The following NXPE2 variants were observed in gnomAD, a reference collection of about 807,000 sequenced individuals.
The protein encoded by NXPE2 is neurexophilin and PC-esterase domain family member 2.
In NXPE2, 34 loss-of-function variants were observed where a neutral mutation model predicts 34.4. The observed-to-expected ratio is 0.99, with a 90% CI of 0.75 to 1.31. NXPE2 has a LOEUF of 1.31. NXPE2 is among the 40% of genes most tolerant of loss of function. The pLI is 0.00. For missense variants in NXPE2, 649 were observed against 672.5 expected, an observed-to-expected ratio of 0.97 and a Z score of 0.39; for synonymous variants, 235 against 231.3, an observed-to-expected ratio of 1.02 and a Z score of -0.15.
At chr11:114,559,599 TCTCA>T in the NXPE2 span, among the ~76,000 whole-genome samples, 2 of 151,576 alleles carry the variant, frequency 1.3e-5, no homozygotes, top group African/African-American at 2.4e-5. Flanking sequence ...TAAGAGAGGC[TCTCA>T]CTATCAGTTT....
intron 2 of NXPE2, among the ~76,000 whole-genome samples, chr11:114,684,609 G>A (rs556547998): frequency 1.3e-5 from 2 of 152,066 alleles, no homozygotes; most frequent in Non-Finnish European, 2.9e-5. Context: ...AGTGGAGAAA[G>A]TGCACATGGG....
At chr11:114,601,597 T>A in the NXPE2 span, among the ~76,000 whole-genome samples, 234 of 2,112 alleles carry the variant, frequency 0.11, 2 homozygotes, top group South Asian at 0.14. Context: ...TATATATTAT[T>A]TATAATTATA....
the NXPE2 span, among the ~76,000 whole-genome samples, chr11:114,717,033 G>T: frequency 6.6e-6 from 1 of 152,106 alleles, no homozygotes; most frequent in African/African-American, 2.4e-5. Context: ...ATAAAACAAA[G>T]ATTAATATGT....
chr11:114,798,763 GTC>G, the NXPE2 span, among the ~76,000 whole-genome samples: 1 of 152,224 alleles, frequency 6.6e-6, no homozygotes, highest in African/African-American at 2.4e-5. Flanking sequence ...GTTTGCCCCT[GTC>G]TCTAAGTTTC....
At chr11:114,773,275 T>TCCCTC in the NXPE2 span, among the ~76,000 whole-genome samples, 1 of 38,412 alleles carries the variant, frequency 2.6e-5, no homozygotes, top group Non-Finnish European at 5.2e-5. Flanking sequence ...CACAACCCAC[T>TCCCTC]CCCACCCCCC....
chr11:114,531,621 A>T, the NXPE2 span, among the ~76,000 whole-genome samples: 4 of 152,096 alleles, frequency 2.6e-5, no homozygotes, highest in East Asian at 3.9e-4. Context: ...GCCTATTTTC[A>T]ACTCTACTTC....
chr11:114,602,424 A>G, the NXPE2 span, among the ~76,000 whole-genome samples: 1 of 133,360 alleles, frequency 7.5e-6, no homozygotes, highest in Non-Finnish European at 1.5e-5. Flanking sequence ...ACATATCAAT[A>G]AATGTAATTA....
At chr11:114,632,279 T>C in the NXPE2 span, among the ~76,000 whole-genome samples, 5 of 138,870 alleles carry the variant, frequency 3.6e-5, no homozygotes, top group Non-Finnish European at 7.6e-5. Context: ...GTATATATAC[T>C]ATATATGTAT....
the NXPE2 span, among the ~76,000 whole-genome samples, chr11:114,493,669 A>T: frequency 6.6e-6 from 1 of 152,050 alleles, no homozygotes; most frequent in Non-Finnish European, 1.5e-5. Context: ...ACTGTATACT[A>T]TGTCTTGAAA....
the NXPE2 span, among the ~76,000 whole-genome samples, chr11:114,794,604 A>C: frequency 1.3e-5 from 2 of 152,286 alleles, no homozygotes; most frequent in African/African-American, 4.8e-5. Context: ...TGAAACATAG[A>C]AGTTTGGCTG....
the NXPE2 span, among the ~76,000 whole-genome samples, chr11:114,555,533 A>G: frequency 6.6e-6 from 1 of 152,138 alleles, no homozygotes; most frequent in African/African-American, 2.4e-5. Flanking sequence ...CCAAGAATAC[A>G]TGCATTTTAA....
intron 1 of NXPE2, 132 bp from the exon 2 acceptor site, chr11:114,679,525 A>C (rs532837141): frequency 1.9e-6 from 1 of 526,824 alleles, no homozygotes; most frequent in East Asian, 2.9e-5. Context: ...AATAGAAGAT[A>C]TAAAGGAACT....
chr11:114,639,503 T>G, the NXPE2 span, among the ~76,000 whole-genome samples: 3 of 151,544 alleles, frequency 2.0e-5, no homozygotes, highest in African/African-American at 7.3e-5. Context: ...TGGCACTCCC[T>G]AGTGAGATGA....
At chr11:114,631,077 G>A in the NXPE2 span, among the ~76,000 whole-genome samples, 3 of 151,850 alleles carry the variant, frequency 2.0e-5, no homozygotes, top group Non-Finnish European at 2.9e-5. Flanking sequence ...CTGTTGGTGG[G>A]ACTGTAAACT....
chr11:114,553,685 C>T, the NXPE2 span: 12 of 981,260 alleles, frequency 1.2e-5, no homozygotes, highest in Non-Finnish European at 1.5e-5. Context: ...ATCAATGTCT[C>T]ACCTAGATTC....
the NXPE2 span, among the ~76,000 whole-genome samples, chr11:114,803,628 G>A: frequency 2.0e-5 from 3 of 151,316 alleles, no homozygotes; most frequent in African/African-American, 7.3e-5. Context: ...CCAGGCTGGA[G>A]CACAGTGGCA....
chr11:114,801,503 A>G, the NXPE2 span, among the ~76,000 whole-genome samples: 1 of 152,218 alleles, frequency 6.6e-6, no homozygotes, highest in African/African-American at 2.4e-5. Context: ...AATTATTGTA[A>G]AAGCAATTGT....
the NXPE2 span, among the ~76,000 whole-genome samples, chr11:114,800,118 G>A: frequency 2.0e-5 from 3 of 152,136 alleles, no homozygotes; most frequent in African/African-American, 7.2e-5. Flanking sequence ...AATGTTCGTA[G>A]GTTTAAAATT....
the NXPE2 span, among the ~76,000 whole-genome samples, chr11:114,808,677 G>A: frequency 7.9e-5 from 12 of 151,074 alleles, no homozygotes; most frequent in East Asian, 5.8e-4. Flanking sequence ...ACCAATAACA[G>A]GCTCTGAAAT....
Sources: allele counts gnomAD v4.1 joint callset (sites outside exome capture counted in the v4.1 genomes callset), GRCh38; gene constraint gnomAD v4.1.1; transcripts MANE v1.5; gene names NCBI Gene and HGNC (gene_info 2026-07-23, HGNC 2026-07-21).